The following SYNPR variants were observed in gnomAD, a reference collection of about 807,000 sequenced individuals.
SYNPR encodes the protein synaptoporin.
Under a neutral mutation model 32.9 loss-of-function variants are expected in SYNPR, and 23 were observed. The ratio of observed to expected loss-of-function variants is 0.70; its 90% confidence interval spans 0.50 to 0.99. The LOEUF (loss-of-function observed/expected upper bound fraction) is 0.99, where lower values mean the gene tolerates loss of function less well. Ranked by LOEUF, SYNPR falls within the 50% of genes least tolerant of loss-of-function variation. SYNPR has a pLI of 0.00. For missense variants in SYNPR, 318 were observed against 349.3 expected, an observed-to-expected ratio of 0.91 and a Z score of 0.71; for synonymous variants, 146 against 135.9, an observed-to-expected ratio of 1.07 and a Z score of -0.52.
At chr3:63,481,863 G>C (rs570841022) in intron 3 of SYNPR, among the ~76,000 whole-genome samples, 1 of 152,286 alleles carries the variant, frequency 6.6e-6, no homozygotes, top group African/African-American at 2.4e-5. Context: ...TGGCCGGGCA[G>C]CGGGGCTGGG....
intron 3 of SYNPR, among the ~76,000 whole-genome samples, chr3:63,494,418 CGTAT>C (rs1177735684): frequency 4.7e-5 from 3 of 63,582 alleles, no homozygotes; most frequent in African/African-American, 1.7e-4. Context: ...TATATATATA[CGTAT>C]ATATATATAT....
chr3:63,436,135 T>C (rs1185627586), intron 2 of SYNPR, among the ~76,000 whole-genome samples: 4 of 152,108 alleles, frequency 2.6e-5, no homozygotes, highest in African/African-American at 7.2e-5. Context: ...AACTTTCTCA[T>C]GGATTTGAGA....
In SYNPR at chr3:63,616,879, G is replaced by C. The variant is rs1044240674; in HGVS notation, c.*1398G>C. 25 of 152,200 alleles carry C rather than the reference G, an allele frequency of 1.6e-4. No homozygotes were observed. The highest frequency in any genetic ancestry group is 1.4e-3 in the Admixed American group (22 of 15,280). 9.4% of individuals were successfully genotyped at this position (152,200 alleles called of 1,614,324 possible). Reference sequence around the variant, plus strand: ...TTTCTGAATCCCGTTGGATAAAACTGTATTGTGATATCTATTTGATGTTAA... The same window carrying C: ...TTTCTGAATCCCGTTGGATAAAACTCTATTGTGATATCTATTTGATGTTAA... On this transcript the variant is annotated 3_prime_UTR_variant, in exon 6 of 6. Coordinates refer to ENST00000478300, the MANE Select transcript of SYNPR (RefSeq NM_001130003.2).
At chr3:63,553,505 G>T (rs1264702719) in intron 3 of SYNPR, among the ~76,000 whole-genome samples, 1 of 152,154 alleles carries the variant, frequency 6.6e-6, no homozygotes, top group Non-Finnish European at 1.5e-5. Flanking sequence ...AGTTATTTGA[G>T]AAATCTCCAA....
intron 2 of SYNPR, among the ~76,000 whole-genome samples, chr3:63,366,928 C>T (rs1023939343): frequency 6.6e-6 from 1 of 152,192 alleles, no homozygotes; most frequent in African/African-American, 2.4e-5. Context: ...ACTTCATAAA[C>T]ATTAGCTGAT....
intron 4 of SYNPR, among the ~76,000 whole-genome samples, chr3:63,595,100 T>C (rs1699910608): frequency 6.6e-6 from 1 of 152,170 alleles, no homozygotes; most frequent in Non-Finnish European, 1.5e-5. Context: ...GTAAGTGTTT[T>C]GCAAATGAAG....
intron 2 of SYNPR, among the ~76,000 whole-genome samples, chr3:63,319,154 G>A (rs1462130274): frequency 6.6e-6 from 1 of 151,958 alleles, no homozygotes; most frequent in African/African-American, 2.4e-5. Flanking sequence ...TTGTTCTAGT[G>A]GAGATGGCAC....
the SYNPR span, among the ~76,000 whole-genome samples, chr3:63,219,978 A>T: frequency 1.3e-5 from 2 of 152,208 alleles, no homozygotes; most frequent in Non-Finnish European, 2.9e-5. Context: ...TGTATTTTTT[A>T]AAAAGCCACC....
chr3:63,519,861 C>T (rs1559524483), intron 3 of SYNPR, among the ~76,000 whole-genome samples: 1 of 152,108 alleles, frequency 6.6e-6, no homozygotes, highest in East Asian at 1.9e-4. Flanking sequence ...ATTAGGAAAA[C>T]TCTGATAACC....
chr3:63,335,789 T>C (rs2087285173), intron 2 of SYNPR, among the ~76,000 whole-genome samples: 2 of 142,358 alleles, frequency 1.4e-5, no homozygotes, highest in Non-Finnish European at 3.1e-5. Flanking sequence ...TTTTTTTTTT[T>C]TGAGACAGAG....
chr3:63,207,451 T>C, the SYNPR span, among the ~76,000 whole-genome samples: 1 of 152,176 alleles, frequency 6.6e-6, no homozygotes, highest in Non-Finnish European at 1.5e-5. Context: ...AAAGGGAAAA[T>C]GACTCATAGG....
intron 4 of SYNPR, among the ~76,000 whole-genome samples, chr3:63,585,191 T>C (rs1034870351): frequency 1.3e-5 from 2 of 152,150 alleles, no homozygotes; most frequent in Non-Finnish European, 2.9e-5. Context: ...GGAAATATGA[T>C]AGAACTGGCA....
At chr3:63,384,380 T>G (rs1163595646) in intron 2 of SYNPR, among the ~76,000 whole-genome samples, 1 of 152,224 alleles carries the variant, frequency 6.6e-6, no homozygotes, top group Non-Finnish European at 1.5e-5. Context: ...AGAGCATCCT[T>G]TATTGAGATT....
chr3:63,375,786 TGTCA>T (rs1030994338), intron 2 of SYNPR, among the ~76,000 whole-genome samples: 51 of 152,314 alleles, frequency 3.3e-4, no homozygotes, highest in African/African-American at 1.2e-3. Context: ...ACTGTCTAGA[TGTCA>T]GTGTGTCCAA....
chr3:63,333,703 C>T (rs2087254748), intron 2 of SYNPR, among the ~76,000 whole-genome samples: 1 of 152,164 alleles, frequency 6.6e-6, no homozygotes, highest in African/African-American at 2.4e-5. Context: ...CAGGTACGAG[C>T]CACTATTCCT....
intron 3 of SYNPR, among the ~76,000 whole-genome samples, chr3:63,488,160 C>G (rs546463526): frequency 1.9e-4 from 29 of 152,090 alleles, no homozygotes; most frequent in African/African-American, 7.0e-4. Context: ...ACCATAATAG[C>G]CAATTTGGGG....
chr3:63,316,838 G>C (rs2087048084), intron 2 of SYNPR, among the ~76,000 whole-genome samples: 1 of 151,942 alleles, frequency 6.6e-6, no homozygotes, highest in East Asian at 1.9e-4. Context: ...GTCAGTTTGT[G>C]CTCTTTCAAT....
chr3:63,593,215 A>C (rs1280538000), intron 4 of SYNPR, among the ~76,000 whole-genome samples: 1 of 152,132 alleles, frequency 6.6e-6, no homozygotes, highest in Non-Finnish European at 1.5e-5. Flanking sequence ...TTATTAATTT[A>C]TTTTGAACAG....
At position 63,424,552 on chromosome 3, in the gene SYNPR, A is replaced by G. The variant is rs1432214472; in HGVS notation, c.85-56280A>G. On this transcript the variant is annotated intron_variant, in intron 2 of 5. Transcript: ENST00000478300. ...AACAATTACTTATTATTTCCATTTT[A>G]TTGTAGTTATTGTATTATTATATAT... 3.9e-5 allele frequency among the ~76,000 whole-genome samples: 6 copies of G among 152,306 alleles called. No individual in the cohort carries two copies. In the South Asian group the frequency reaches 1.2e-3, roughly 32 times the overall value.
Sources: allele counts gnomAD v4.1 joint callset (sites outside exome capture counted in the v4.1 genomes callset), GRCh38; gene constraint gnomAD v4.1.1; transcripts MANE v1.5; gene names NCBI Gene and HGNC (gene_info 2026-07-23, HGNC 2026-07-21).